The following RP1 variants were observed in gnomAD, a reference collection of about 807,000 sequenced individuals.
RP1 encodes oxygen-regulated protein 1.
A neutral mutation model predicts 14.8 loss-of-function variants in RP1; 16 were observed. The observed-to-expected ratio is 1.08, with a 90% CI of 0.73 to 1.65. The LOEUF is 1.65. Among genes scored for constraint, RP1 ranks in the 40% most tolerant of loss-of-function variants. RP1 has a pLI of 0.00. For missense variants in RP1, 2,631 were observed against 2,535.0 expected, an observed-to-expected ratio of 1.04 and a Z score of -0.81; for synonymous variants, 876 against 883.6, an observed-to-expected ratio of 0.99 and a Z score of 0.15.
chr8:54,686,387 A>C (rs1043076840), intron 12 of RP1, among the ~76,000 whole-genome samples: 1 of 85,630 alleles, frequency 1.2e-5, no homozygotes, highest in East Asian at 2.6e-4. Flanking sequence ...CTCCAGAAAA[A>C]GTTTTTTTTT....
intron 1 of RP1, among the ~76,000 whole-genome samples, chr8:54,606,707 C>G (rs1249005622): frequency 1.3e-5 from 2 of 152,196 alleles, no homozygotes; most frequent in Non-Finnish European, 2.9e-5. Context: ...GGTCTTTTCA[C>G]ATAGTCCCAT....
intron 28 of RP1, among the ~76,000 whole-genome samples, chr8:54,867,347 T>C (rs1812480943): frequency 6.6e-6 from 1 of 152,222 alleles, no homozygotes; most frequent in South Asian, 2.1e-4. Flanking sequence ...CATGTAGTAG[T>C]AGCTATTGCC....
rs572175595 is a variant in RP1 at position 54,718,002 on chromosome 8, T to C, written c.2212-2127T>C. ...AATTCCAGTTATATTAGTATAAAAA[T>C]GTACAAATCTAACAAAATATATTCT... On this transcript the variant is annotated intron_variant, in intron 15 of 22. Coordinates refer to the RP1 transcript ENST00000636932. 9.2e-5 allele frequency among the ~76,000 whole-genome samples: 14 copies of C among 152,212 alleles called. No homozygotes were observed. The South Asian group carries it at 1.4e-3, about 16-fold the overall frequency.
intron 6 of RP1, among the ~76,000 whole-genome samples, chr8:54,658,132 A>G (rs1806795875): frequency 6.6e-6 from 1 of 152,300 alleles, no homozygotes; most frequent in South Asian, 2.1e-4. Flanking sequence ...TTCTGTTTCT[A>G]TGATTTTAAC....
At chr8:54,598,899 T>C (rs182014294) in intron 1 of RP1, among the ~76,000 whole-genome samples, 1 of 152,346 alleles carries the variant, frequency 6.6e-6, no homozygotes, top group East Asian at 1.9e-4. Context: ...TTCAAAATTA[T>C]TTTCGCTGTC....
chr8:54,802,918 A>G (rs546444384), intron 24 of RP1, among the ~76,000 whole-genome samples: 116 of 152,332 alleles, frequency 7.6e-4, no homozygotes, highest in African/African-American at 2.8e-3. Flanking sequence ...AACTGGGATC[A>G]GGGTGTGCTG....
At chr8:54,815,346 A>C (rs1811113893) in intron 24 of RP1, among the ~76,000 whole-genome samples, 1 of 152,216 alleles carries the variant, frequency 6.6e-6, no homozygotes, top group Non-Finnish European at 1.5e-5. Flanking sequence ...AAATAAATTA[A>C]AAACTCTCTT....
At chr8:54,603,411 A>C (rs1805343649) in intron 1 of RP1, among the ~76,000 whole-genome samples, 1 of 152,140 alleles carries the variant, frequency 6.6e-6, no homozygotes, top group Non-Finnish European at 1.5e-5. Context: ...CTGTTTTGGT[A>C]CCAGTACCAT....
At chr8:54,759,748 C>T (rs766493959) in intron 22 of RP1, among the ~76,000 whole-genome samples, 9 of 152,136 alleles carry the variant, frequency 5.9e-5, no homozygotes, top group Non-Finnish European at 1.0e-4. Flanking sequence ...TGCTTAGCTT[C>T]GGCTAGATGG....
At chr8:54,662,415 C>T (rs983638092) in intron 6 of RP1, among the ~76,000 whole-genome samples, 1 of 152,138 alleles carries the variant, frequency 6.6e-6, no homozygotes, top group Non-Finnish European at 1.5e-5. Flanking sequence ...TCCTGTTGTG[C>T]TGTGCACTTC....
At chr8:54,616,046 G>T (rs1805707752), upstream of RP1, 1 of 152,164 alleles carries the variant, frequency 6.6e-6, no homozygotes. Flanking sequence ...AAATTAATTG[G>T]CTGTACTCAA....
rs375877155 is a variant in RP1, at chr8:54,670,671, TTATATATATATATATATATATA to T, written c.1324-3164_1324-3143del. 2.1e-4 allele frequency among the ~76,000 whole-genome samples: 13 copies of T among 62,548 alleles called. No individual in the cohort carries two copies. In the South Asian group the frequency reaches 6.8e-3, roughly 33 times the overall value. The allele number at this position is 62,548 out of a possible 152,430, so 41.0% of individuals were successfully genotyped here. A position where few individuals can be genotyped will look rare whatever the true frequency, so the allele number is the denominator to read the frequency against. On this transcript the variant is annotated intron_variant, in intron 7 of 22. Coordinates refer to the RP1 transcript ENST00000636932. ...ATATTTATGAATAATATATATGTTT[TTATATATATATATATATATATA>T]TATATATATATATAAAACATTAAGT... is the stretch of plus-strand genomic sequence containing the variant.
chr8:54,631,831 GAAGA>G (rs1207284035), downstream of RP1, among the ~76,000 whole-genome samples: 1 of 148,744 alleles, frequency 6.7e-6, no homozygotes, highest in Non-Finnish European at 1.5e-5. Flanking sequence ...TTCATGTGAG[GAAGA>G]AGGGATAAGA....
At chr8:54,646,031 C>T (rs933137561) in intron 3 of RP1, among the ~76,000 whole-genome samples, 1 of 152,034 alleles carries the variant, frequency 6.6e-6, no homozygotes, top group Non-Finnish European at 1.5e-5. Context: ...CTTCAACTCA[C>T]TCTTTTTCAA....
At chr8:54,840,622 T>C (rs1477024042) in intron 25 of RP1, among the ~76,000 whole-genome samples, 2 of 78,456 alleles carry the variant, frequency 2.5e-5, no homozygotes, top group Admixed American at 1.1e-4. Context: ...AAGGCAGTTG[T>C]GTTTTTTTTT....
At chr8:54,632,335 A>G (rs993640567), downstream of RP1, among the ~76,000 whole-genome samples, 6 of 152,214 alleles carry the variant, frequency 3.9e-5, no homozygotes, top group Admixed American at 1.3e-4. Context: ...CTATTACACC[A>G]AACAGTGTCC....
intron 24 of RP1, among the ~76,000 whole-genome samples, chr8:54,792,721 T>A (rs1044514144): frequency 6.6e-6 from 1 of 151,760 alleles, no homozygotes; most frequent in Non-Finnish European, 1.5e-5. Flanking sequence ...TAACTGTAAA[T>A]GGCTACATTA....
chr8:54,806,604 T>C (rs550849406), intron 24 of RP1, among the ~76,000 whole-genome samples: 1 of 152,328 alleles, frequency 6.6e-6, no homozygotes, highest in East Asian at 1.9e-4. Context: ...CCTTGCTACA[T>C]GTGAACATAA....
At chr8:54,658,550 C>CAAAAAAA (rs755052184) in intron 6 of RP1, among the ~76,000 whole-genome samples, 2 of 81,810 alleles carry the variant, frequency 2.4e-5, no homozygotes, top group African/African-American at 5.7e-5. Context: ...GACTCCGTCT[C>CAAAAAAA]AAAAAAAAAA....
Sources: gnomAD v4.1 joint callset for allele counts (sites outside exome capture counted in the v4.1 genomes callset) on GRCh38, gnomAD v4.1.1 for gene constraint, MANE v1.5 for transcripts, NCBI Gene and HGNC (gene_info 2026-07-23, HGNC 2026-07-21) for gene names.